Variants in SMURF1 observed in about 807,000 individuals in gnomAD.
SMURF1 encodes the protein SMAD specific E3 ubiquitin protein ligase 1, also known as E3 ubiquitin-protein ligase SMURF1.
In SMURF1, 44 loss-of-function variants were observed where a neutral mutation model predicts 98.0. That is an observed-to-expected ratio of 0.45 (90% CI 0.35 to 0.58). The LOEUF is 0.58. Among genes scored for constraint, SMURF1 ranks in the 20% least tolerant of loss-of-function variants. The pLI is 0.00. For missense variants in SMURF1, 687 were observed against 938.4 expected (o/e 0.73, Z 3.50); for synonymous variants, 396 against 374.9 (o/e 1.06, Z -0.65).
chr7:99,077,392 G>A (rs1360581042), intron 1 of SMURF1, among the ~76,000 whole-genome samples: 1 of 150,646 alleles, frequency 6.6e-6, no homozygotes, highest in Non-Finnish European at 1.5e-5. Context: ...GAGTACAGTG[G>A]CGCAATCTCA....
intron 14 of SMURF1, among the ~76,000 whole-genome samples, chr7:99,037,696 C>G (rs1010098622): frequency 1.1e-4 from 17 of 152,192 alleles, no homozygotes; most frequent in Non-Finnish European, 1.5e-5. Context: ...TGATTCATTC[C>G]GATTTGCTCG....
At chr7:99,121,027 T>A (rs951419101) in intron 1 of SMURF1, 1 of 152,074 alleles carries the variant, frequency 6.6e-6, no homozygotes, top group Non-Finnish European at 1.5e-5. Context: ...AAATAAGCTA[T>A]TCTGTATAAC....
chr7:99,067,722 C>T (rs764661341), intron 1 of SMURF1, among the ~76,000 whole-genome samples: 12 of 152,198 alleles, frequency 7.9e-5, no homozygotes, highest in Non-Finnish European at 1.6e-4. Context: ...GAGGCCGAGG[C>T]GGGTGGATCA....
intron 1 of SMURF1, among the ~76,000 whole-genome samples, chr7:99,127,977 G>A (rs116038382): frequency 3.9e-5 from 6 of 151,998 alleles, no homozygotes; most frequent in African/African-American, 7.3e-5. Flanking sequence ...TTCAATTCAG[G>A]TTCCATTTTC....
At chr7:99,040,778 A>G (rs1355660052) in intron 12 of SMURF1, among the ~76,000 whole-genome samples, 1 of 152,206 alleles carries the variant, frequency 6.6e-6, no homozygotes, top group Non-Finnish European at 1.5e-5. Context: ...TCTCAGGGCC[A>G]ACACCTCCTC....
At chr7:99,067,984 C>G (rs1221051707) in intron 1 of SMURF1, among the ~76,000 whole-genome samples, 3 of 152,104 alleles carry the variant, frequency 2.0e-5, no homozygotes, top group Non-Finnish European at 4.4e-5. Context: ...GTGGTTTCAC[C>G]CACTCCAACA....
chr7:99,095,343 G>T (rs956725975), intron 1 of SMURF1, among the ~76,000 whole-genome samples: 1 of 152,164 alleles, frequency 6.6e-6, no homozygotes, highest in Admixed American at 6.5e-5. Context: ...GCCTCCTAAA[G>T]TGCTGGGATT....
At chr7:99,037,849 G>A (rs145955658) in intron 14 of SMURF1, among the ~76,000 whole-genome samples, 268 of 152,350 alleles carry the variant, frequency 1.8e-3, no homozygotes, top group African/African-American at 6.1e-3. Flanking sequence ...CCAGGGGTTC[G>A]AGACCAGCCT....
At chr7:99,092,628 G>C (rs1018535350) in intron 1 of SMURF1, among the ~76,000 whole-genome samples, 2 of 152,168 alleles carry the variant, frequency 1.3e-5, no homozygotes, top group African/African-American at 4.8e-5. Context: ...GTTGGTGACT[G>C]TGCTGTTTAG....
intron 10 of SMURF1, among the ~76,000 whole-genome samples, 198 bp downstream of exon 10, chr7:99,047,486 A>G (rs576546503): frequency 1.6e-4 from 24 of 152,366 alleles, no homozygotes; most frequent in African/African-American, 5.8e-4. Context: ...TGGTCCTGAC[A>G]AACTCTGCAC....
At chr7:99,143,566 G>A (rs1245377573) in intron 1 of SMURF1, among the ~76,000 whole-genome samples, 160 bp downstream of exon 1, 1 of 149,456 alleles carries the variant, frequency 6.7e-6, no homozygotes, top group Non-Finnish European at 1.5e-5. Flanking sequence ...CGAGGGGGCG[G>A]GGCCAGGAGG....
intron 1 of SMURF1, among the ~76,000 whole-genome samples, chr7:99,075,605 T>G (rs1796435227): frequency 6.6e-6 from 1 of 151,442 alleles, no homozygotes; most frequent in African/African-American, 2.4e-5. Flanking sequence ...AATAGCCAGT[T>G]AGCATCAGAA....
At chr7:99,038,035 G>GA (rs1319154995) in intron 14 of SMURF1, among the ~76,000 whole-genome samples, 1 of 152,142 alleles carries the variant, frequency 6.6e-6, no homozygotes, top group Non-Finnish European at 1.5e-5. Context: ...GTTAGGGGTG[G>GA]AAAAAAACTG....
chr7:99,104,533 A>G (rs1376295539), intron 1 of SMURF1, among the ~76,000 whole-genome samples: 1 of 152,222 alleles, frequency 6.6e-6, no homozygotes, highest in Non-Finnish European at 1.5e-5. Flanking sequence ...TAGGAATAGT[A>G]GTAATACCTA....
intron 1 of SMURF1, among the ~76,000 whole-genome samples, chr7:99,116,811 G>A (rs1369962945): frequency 6.6e-6 from 1 of 152,126 alleles, no homozygotes; most frequent in Non-Finnish European, 1.5e-5. Context: ...TTCTATCAAA[G>A]CCCCAAGTGC....
At chr7:99,069,900 A>G (rs939761699) in intron 1 of SMURF1, among the ~76,000 whole-genome samples, 2 of 152,238 alleles carry the variant, frequency 1.3e-5, no homozygotes, top group African/African-American at 4.8e-5. Context: ...AAATGATCAA[A>G]TGATTTCTTC....
intron 1 of SMURF1, among the ~76,000 whole-genome samples, chr7:99,082,583 T>A (rs1796595987): frequency 6.6e-6 from 1 of 152,240 alleles, no homozygotes. Flanking sequence ...ATATCTACGC[T>A]ACTGTCAGTA....
At chr7:99,076,892 T>C (rs1430837435) in intron 1 of SMURF1, among the ~76,000 whole-genome samples, 1 of 152,070 alleles carries the variant, frequency 6.6e-6, no homozygotes, top group African/African-American at 2.4e-5. Context: ...TGTGCACGTG[T>C]GTGCGCGTGT....
At chr7:99,080,337 T>C (rs1293355726) in intron 1 of SMURF1, among the ~76,000 whole-genome samples, 28 of 152,238 alleles carry the variant, frequency 1.8e-4, no homozygotes, top group Admixed American at 1.8e-3. Flanking sequence ...TTCGCTCTTG[T>C]TGCGGAGGCT....
Sources: allele counts gnomAD v4.1 joint callset (sites outside exome capture counted in the v4.1 genomes callset), GRCh38; gene constraint gnomAD v4.1.1; transcripts MANE v1.5; gene names NCBI Gene and HGNC (gene_info 2026-07-23, HGNC 2026-07-21).